Variants in NDUFAF2 observed in about 807,000 individuals in gnomAD.
NDUFAF2 encodes the protein NADH:ubiquinone oxidoreductase complex assembly factor 2, also known as NADH dehydrogenase [ubiquinone] 1 alpha subcomplex assembly factor 2.
In NDUFAF2, 13 loss-of-function variants were observed where a neutral mutation model predicts 22.8. The ratio of observed to expected loss-of-function variants is 0.57; its 90% CI spans 0.37 to 0.91. The LOEUF (loss-of-function observed/expected upper bound fraction) is 0.91. Among genes scored for constraint, NDUFAF2 ranks in the 40% least tolerant of loss-of-function variants. The pLI is 0.01. For synonymous variants in NDUFAF2, 53 were observed against 64.2 expected (o/e 0.83, Z 0.84); for missense variants, 162 against 195.2 (o/e 0.83, Z 1.01).
At chr5:61,150,297 T>C (rs2111835781) in intron 3 of NDUFAF2, among the ~76,000 whole-genome samples, 1 of 152,310 alleles carries the variant, frequency 6.6e-6, no homozygotes, top group South Asian at 2.1e-4. Context: ...TGTTTAATTT[T>C]GCCTGGTACC....
At chr5:60,993,815 G>C (rs917235455) in intron 1 of NDUFAF2, among the ~76,000 whole-genome samples, 2 of 152,206 alleles carry the variant, frequency 1.3e-5, no homozygotes, top group Non-Finnish European at 2.9e-5. Flanking sequence ...CTCTGGCTGA[G>C]CCCAGGGCTT....
At chr5:61,086,296 C>G (rs1752504820) in intron 2 of NDUFAF2, among the ~76,000 whole-genome samples, 1 of 152,040 alleles carries the variant, frequency 6.6e-6, no homozygotes, top group East Asian at 1.9e-4. Context: ...TACTAACAGC[C>G]TTTTTGGAAT....
intron 1 of NDUFAF2, among the ~76,000 whole-genome samples, chr5:61,024,362 G>A (rs1355687300): frequency 1.3e-5 from 2 of 151,996 alleles, no homozygotes; most frequent in African/African-American, 4.8e-5. Flanking sequence ...GTGAAAATAA[G>A]TCAAATGTTT....
At chr5:60,971,362 C>T (rs1378422499) in intron 1 of NDUFAF2, among the ~76,000 whole-genome samples, 1 of 151,672 alleles carries the variant, frequency 6.6e-6, no homozygotes, top group Admixed American at 6.6e-5. Flanking sequence ...TCTCAGCTCA[C>T]TGCAAGCTCC....
At chr5:60,946,344 G>C (rs1299254634) in intron 1 of NDUFAF2, among the ~76,000 whole-genome samples, 2 of 152,142 alleles carry the variant, frequency 1.3e-5, no homozygotes, top group African/African-American at 4.8e-5. Context: ...ATGTTGAGAA[G>C]CACTAAGACC....
At chr5:61,107,718 A>T (rs1752785543) in intron 3 of NDUFAF2, among the ~76,000 whole-genome samples, 1 of 150,744 alleles carries the variant, frequency 6.6e-6, no homozygotes, top group Non-Finnish European at 1.5e-5. Context: ...CACAATGTGC[A>T]GGTTAGTTAC....
chr5:61,084,977 G>A (rs970565285), intron 2 of NDUFAF2, among the ~76,000 whole-genome samples: 6 of 152,036 alleles, frequency 3.9e-5, no homozygotes, highest in African/African-American at 1.4e-4. Context: ...TTTTCCATAT[G>A]CTCATGGAAC....
chr5:60,954,164 C>T (rs1220333497), intron 1 of NDUFAF2, among the ~76,000 whole-genome samples: 1 of 152,098 alleles, frequency 6.6e-6, no homozygotes, highest in Non-Finnish European at 1.5e-5. Flanking sequence ...TCTCTGGTCC[C>T]AAGTCATTAG....
chr5:61,024,643 T>C (rs1751627546), intron 1 of NDUFAF2, among the ~76,000 whole-genome samples: 1 of 152,092 alleles, frequency 6.6e-6, no homozygotes, highest in East Asian at 1.9e-4. Context: ...CAGAGCTCTA[T>C]TTAAAGTAAG....
At chr5:61,091,351 T>C (rs1218066048) in intron 2 of NDUFAF2, among the ~76,000 whole-genome samples, 2 of 152,158 alleles carry the variant, frequency 1.3e-5, no homozygotes, top group Non-Finnish European at 2.9e-5. Context: ...GTGTCTGTTA[T>C]TTTTTGACTT....
intron 3 of NDUFAF2, among the ~76,000 whole-genome samples, chr5:61,143,196 T>C (rs1337116020): frequency 1.3e-5 from 2 of 152,146 alleles, no homozygotes; most frequent in Admixed American, 6.5e-5. Context: ...GACTATCTAA[T>C]AGTAAACAAA....
chr5:61,043,392 ATAT>A (rs1207411203), intron 1 of NDUFAF2, among the ~76,000 whole-genome samples: 1 of 151,934 alleles, frequency 6.6e-6, no homozygotes, highest in East Asian at 1.9e-4. Flanking sequence ...GTGAACCCTA[ATAT>A]TAATATAAAC....
At chr5:61,140,497 A>G (rs889096121) in intron 3 of NDUFAF2, among the ~76,000 whole-genome samples, 5 of 152,252 alleles carry the variant, frequency 3.3e-5, no homozygotes, top group Admixed American at 6.5e-5. Context: ...GCAAACAAAA[A>G]TACAGCATAC....
intron 1 of NDUFAF2, among the ~76,000 whole-genome samples, chr5:61,013,526 A>G (rs1210686806): frequency 6.6e-6 from 1 of 152,064 alleles, no homozygotes; most frequent in Non-Finnish European, 1.5e-5. Context: ...TTTTTATTGG[A>G]CATCTGCCTG....
chr5:60,993,194 A>G (rs1344453509), intron 1 of NDUFAF2, among the ~76,000 whole-genome samples: 1 of 152,224 alleles, frequency 6.6e-6, no homozygotes, highest in Admixed American at 6.5e-5. Flanking sequence ...GCTCTTTGTG[A>G]GGCTGCAGCT....
intron 3 of NDUFAF2, among the ~76,000 whole-genome samples, chr5:61,111,739 C>T (rs1252381720): frequency 6.6e-6 from 1 of 152,080 alleles, no homozygotes; most frequent in African/African-American, 2.4e-5. Flanking sequence ...CTGCCTCAGC[C>T]TCCTGAGTAG....
chr5:61,014,725 G>C (rs1044863219), intron 1 of NDUFAF2, among the ~76,000 whole-genome samples: 1 of 152,132 alleles, frequency 6.6e-6, no homozygotes, highest in Non-Finnish European at 1.5e-5. Flanking sequence ...TGGTTGGTGT[G>C]AAGAAAACCC....
chr5:61,117,165 A>C (rs1258436704), intron 3 of NDUFAF2, among the ~76,000 whole-genome samples: 1 of 152,196 alleles, frequency 6.6e-6, no homozygotes, highest in Non-Finnish European at 1.5e-5. Flanking sequence ...TTAAAATATT[A>C]GTTAGCTATT....
At chr5:61,070,581 C>T (rs1436331030) in intron 1 of NDUFAF2, among the ~76,000 whole-genome samples, 1 of 144,350 alleles carries the variant, frequency 6.9e-6, no homozygotes, top group African/African-American at 2.6e-5. Context: ...ATTAATTACT[C>T]TTCCTGTCTT....
Sources: allele counts gnomAD v4.1 joint callset (sites outside exome capture counted in the v4.1 genomes callset), GRCh38; gene constraint gnomAD v4.1.1; transcripts MANE v1.5; gene names NCBI Gene and HGNC (gene_info 2026-07-23, HGNC 2026-07-21).